The following ERBB4 variants were observed in gnomAD, a reference collection of about 807,000 sequenced individuals.
ERBB4 encodes the protein erb-b2 receptor tyrosine kinase 4.
ERBB4 carries 42 observed loss-of-function variants against 158.0 expected under a neutral mutation model. That is an observed-to-expected ratio of 0.27 (90% CI 0.21 to 0.34). The LOEUF (loss-of-function observed/expected upper bound fraction) is 0.34, where lower values mean the gene tolerates loss of function less well. Ranked by LOEUF, ERBB4 falls within the 10% of genes least tolerant of loss-of-function variation. The pLI is 1.00. For missense variants in ERBB4, 1,333 were observed against 1,624.1 expected, an observed-to-expected ratio of 0.82 and a Z score of 3.08; for synonymous variants, 583 against 558.7, an observed-to-expected ratio of 1.04 and a Z score of -0.61.
intron 3 of ERBB4, among the ~76,000 whole-genome samples, chr2:211,810,243 G>A (rs995650692): frequency 3.2e-4 from 49 of 152,084 alleles, no homozygotes; most frequent in African/African-American, 9.7e-4. Flanking sequence ...CCTGGATATC[G>A]TTGTTAACCT....
At chr2:212,321,320 C>T (rs750419634) in intron 1 of ERBB4, among the ~76,000 whole-genome samples, 3 of 150,420 alleles carry the variant, frequency 2.0e-5, no homozygotes, top group African/African-American at 7.3e-5. Flanking sequence ...TAAGCAAATT[C>T]CTACCAAATA....
At chr2:211,956,557 TC>T (rs1410983644) in intron 2 of ERBB4, among the ~76,000 whole-genome samples, 2 of 152,046 alleles carry the variant, frequency 1.3e-5, no homozygotes, top group Non-Finnish European at 2.9e-5. Context: ...AATATTACGT[TC>T]CTCTTCTGCA....
chr2:211,870,596 C>A (rs1271479103), intron 3 of ERBB4, among the ~76,000 whole-genome samples: 2 of 152,096 alleles, frequency 1.3e-5, no homozygotes, highest in African/African-American at 4.8e-5. Context: ...ATCACTAGCA[C>A]CCTTTGTGGT....
intron 1 of ERBB4, among the ~76,000 whole-genome samples, chr2:212,426,637 T>C (rs370365136): frequency 3.3e-4 from 50 of 152,204 alleles, no homozygotes; most frequent in African/African-American, 1.1e-3. Context: ...CTATAAGGCA[T>C]ATATTAAACT....
At chr2:212,143,346 A>G (rs1364606314) in intron 1 of ERBB4, among the ~76,000 whole-genome samples, 1 of 152,188 alleles carries the variant, frequency 6.6e-6, no homozygotes, top group Non-Finnish European at 1.5e-5. Context: ...GGTTAATAAT[A>G]AAGTGTTGAA....
chr2:212,146,684 A>G (rs1425036106), intron 1 of ERBB4, among the ~76,000 whole-genome samples: 2 of 152,156 alleles, frequency 1.3e-5, no homozygotes, highest in African/African-American at 4.8e-5. Context: ...AGACGTCCCT[A>G]ACTACGGCAA....
At chr2:211,807,857 T>C (rs1297840302) in intron 3 of ERBB4, among the ~76,000 whole-genome samples, 2 of 152,202 alleles carry the variant, frequency 1.3e-5, no homozygotes, top group Admixed American at 1.3e-4. Context: ...GGTTTTGATT[T>C]GCATTTCTCT....
chr2:211,392,953 C>T (rs993146174), intron 25 of ERBB4, among the ~76,000 whole-genome samples: 10 of 152,268 alleles, frequency 6.6e-5, no homozygotes, highest in Middle Eastern at 3.4e-3. Context: ...CCGCGCCCGG[C>T]TGGCTCTCAT....
At chr2:211,423,726 A>G (rs1258879927) in intron 23 of ERBB4, among the ~76,000 whole-genome samples, 1 of 151,988 alleles carries the variant, frequency 6.6e-6, no homozygotes, top group Non-Finnish European at 1.5e-5. Flanking sequence ...CTATTAAATT[A>G]ATTTTTAAAA....
At chr2:211,640,114 C>T (rs926077233) in intron 16 of ERBB4, among the ~76,000 whole-genome samples, 1 of 151,028 alleles carries the variant, frequency 6.6e-6, no homozygotes, top group Non-Finnish European at 1.5e-5. Context: ...TTTTTTTTAA[C>T]TATACTTTAG....
intron 3 of ERBB4, among the ~76,000 whole-genome samples, chr2:211,813,084 G>A (rs1320211556): frequency 6.6e-6 from 1 of 152,190 alleles, no homozygotes; most frequent in African/African-American, 2.4e-5. Flanking sequence ...AGATGAACCA[G>A]GTACCTCAGT....
intron 19 of ERBB4, among the ~76,000 whole-genome samples, chr2:211,604,687 T>G (rs539419840): frequency 6.6e-6 from 1 of 152,340 alleles, no homozygotes; most frequent in African/African-American, 2.4e-5. Flanking sequence ...GATTGTTTGG[T>G]TGACTTAAAT....
chr2:212,382,821 T>G (rs1364965365), intron 1 of ERBB4, among the ~76,000 whole-genome samples: 1 of 151,284 alleles, frequency 6.6e-6, no homozygotes, highest in African/African-American at 2.4e-5. Flanking sequence ...GTTAAACAAT[T>G]TATCATGTTT....
chr2:212,371,514 G>C (rs1013810731), intron 1 of ERBB4, among the ~76,000 whole-genome samples: 43 of 152,102 alleles, frequency 2.8e-4, no homozygotes, highest in African/African-American at 1.0e-3. Context: ...TACCCACTAC[G>C]TACTGTCTTT....
At chr2:211,905,208 C>T (rs186519600) in intron 3 of ERBB4, among the ~76,000 whole-genome samples, 1 of 152,064 alleles carries the variant, frequency 6.6e-6, no homozygotes, top group Admixed American at 6.6e-5. Flanking sequence ...TGTTCACTTG[C>T]CTTTTGCAGC....
At chr2:211,849,712 C>G (rs1347161815) in intron 3 of ERBB4, among the ~76,000 whole-genome samples, 1 of 151,878 alleles carries the variant, frequency 6.6e-6, no homozygotes, top group Non-Finnish European at 1.5e-5. Context: ...AAATTACTAA[C>G]ATCTCATTTA....
chr2:211,680,171 G>A (rs773988858), intron 12 of ERBB4, among the ~76,000 whole-genome samples: 2 of 152,102 alleles, frequency 1.3e-5, no homozygotes, highest in Non-Finnish European at 2.9e-5. Context: ...TCTATTTTTT[G>A]TTGTTGTTGA....
chr2:212,493,789 G>A (rs1690413313), intron 1 of ERBB4, among the ~76,000 whole-genome samples: 1 of 151,598 alleles, frequency 6.6e-6, no homozygotes, highest in South Asian at 2.1e-4. Flanking sequence ...TACAAAATGT[G>A]ATTTTAAGTA....
intron 4 of ERBB4, among the ~76,000 whole-genome samples, chr2:211,753,653 C>A (rs1253929750): frequency 2.0e-5 from 3 of 151,722 alleles, no homozygotes; most frequent in Non-Finnish European, 2.9e-5. Flanking sequence ...AACGATGACA[C>A]GTCCATGTGA....
Sources: allele counts gnomAD v4.1 joint callset (sites outside exome capture counted in the v4.1 genomes callset), GRCh38; gene constraint gnomAD v4.1.1; transcripts MANE v1.5; gene names NCBI Gene and HGNC (gene_info 2026-07-23, HGNC 2026-07-21).